Variants in STAP1 observed in about 807,000 individuals in gnomAD.
STAP1 encodes signal transducing adaptor family member 1, also known as signal-transducing adaptor protein 1.
STAP1 carries 30 observed loss-of-function variants against 37.8 expected under a neutral mutation model. The observed-to-expected ratio is 0.79, with a 90% CI of 0.59 to 1.08. The LOEUF (loss-of-function observed/expected upper bound fraction) is 1.08. Ranked by LOEUF, STAP1 falls within the 50% of genes least tolerant of loss-of-function variation. The pLI is 0.00. For missense variants in STAP1, 357 were observed against 349.4 expected, an observed-to-expected ratio of 1.02 and a Z score of -0.17; for synonymous variants, 130 against 116.0, an observed-to-expected ratio of 1.12 and a Z score of -0.78.
chr4:67,597,701 C>G (rs113552683), intron 8 of STAP1, among the ~76,000 whole-genome samples: 1 of 152,200 alleles, frequency 6.6e-6, no homozygotes, highest in Non-Finnish European at 1.5e-5. Context: ...TATTTTGGAG[C>G]TTTAAGATTT....
chr4:67,558,963 C>T (rs1303634177), intron 1 of STAP1, 34 bp downstream of exon 1: 4 of 1,525,442 alleles, frequency 2.6e-6, no homozygotes, highest in East Asian at 2.4e-5. Context: ...AAACCTAAGA[C>T]TTCTGTTTTA....
intron 8 of STAP1, among the ~76,000 whole-genome samples, chr4:67,598,140 T>C (rs1236771726): frequency 1.3e-5 from 2 of 152,160 alleles, no homozygotes; most frequent in Admixed American, 6.5e-5. Flanking sequence ...ATGCTGTTCT[T>C]ATGATAATGA....
At chr4:67,603,656 C>T (rs556887111) in intron 8 of STAP1, among the ~76,000 whole-genome samples, 11 of 152,244 alleles carry the variant, frequency 7.2e-5, no homozygotes, top group Non-Finnish European at 5.9e-5. Flanking sequence ...TGGCCCAGGG[C>T]GTGTCTAGAA....
At chr4:67,594,901 A>G (rs1728191586) in intron 8 of STAP1, among the ~76,000 whole-genome samples, 1 of 151,874 alleles carries the variant, frequency 6.6e-6, no homozygotes, top group Non-Finnish European at 1.5e-5. Context: ...TTTTTCTTTC[A>G]TGCTTGTTTT....
chr4:67,562,601 T>A (rs1254415803), intron 1 of STAP1, among the ~76,000 whole-genome samples: 12 of 117,252 alleles, frequency 1.0e-4, no homozygotes, highest in South Asian at 2.9e-4. Context: ...CTGTCTCTAC[T>A]AAAAAAAAAA....
At chr4:67,589,682 G>T (rs10050076) in intron 6 of STAP1, among the ~76,000 whole-genome samples, 44,411 of 152,016 alleles carry the variant, frequency 0.29, 6,955 homozygotes, top group South Asian at 0.43. Flanking sequence ...CATGCTTGCC[G>T]TACAAATCAA....
intron 8 of STAP1, among the ~76,000 whole-genome samples, chr4:67,593,598 T>C (rs1269929995): frequency 6.6e-6 from 1 of 152,244 alleles, no homozygotes; most frequent in Non-Finnish European, 1.5e-5. Context: ...GTAGTATTAC[T>C]ATTAACTTCA....
intron 2 of STAP1, 52 bp downstream of exon 2, chr4:67,571,207 C>A: frequency 8.1e-7 from 1 of 1,228,842 alleles, no homozygotes; most frequent in Non-Finnish European, 1.2e-6. Flanking sequence ...ACCCTTGTCA[C>A]ATAGCATATT....
At chr4:67,591,917 T>C (rs1728126329) in intron 7 of STAP1, among the ~76,000 whole-genome samples, 1 of 152,050 alleles carries the variant, frequency 6.6e-6, no homozygotes, top group Admixed American at 6.5e-5. Flanking sequence ...ACTAGATTGC[T>C]AAAGGATAAT....
At position 67,561,943 on chromosome 4, in the gene STAP1, G is replaced by T. The variant is rs183789729; in HGVS notation, c.120+3014G>T. Among the ~76,000 whole-genome samples, 317 of 151,814 alleles carry T rather than the reference G, an allele frequency of 2.1e-3. 1 individual carries two copies. The highest frequency in any genetic ancestry group is 2.8e-3 in the Non-Finnish European group (188 of 67,896). ...AAAAATTAGCAGGGCATGGTGGCAC[G>T]CACCTGTGGTCCCAGCTACTCGGGA... On this transcript the variant is annotated intron_variant, in intron 1 of 8. Transcript: ENST00000265404.
intron 3 of STAP1, 111 bp from the exon 4 acceptor site, chr4:67,577,092 C>A: frequency 1.0e-6 from 1 of 975,782 alleles, no homozygotes; most frequent in Non-Finnish European, 1.5e-6. Flanking sequence ...AGTTCTAAGC[C>A]AAAAAAAGAA....
intron 4 of STAP1, among the ~76,000 whole-genome samples, chr4:67,580,151 C>T (rs1727819222): frequency 6.6e-6 from 1 of 152,200 alleles, no homozygotes; most frequent in African/African-American, 2.4e-5. Context: ...AGCCACTGCG[C>T]CCTCCCGTAT....
At chr4:67,604,082 G>T (rs1728400604) in intron 8 of STAP1, among the ~76,000 whole-genome samples, 1 of 152,202 alleles carries the variant, frequency 6.6e-6, no homozygotes, top group African/African-American at 2.4e-5. Context: ...GGCAAGAGCT[G>T]GTCTAAATGC....
intron 4 of STAP1, 48 bp from the exon 5 acceptor site, chr4:67,581,255 TAA>T: frequency 6.4e-7 from 1 of 1,571,866 alleles, no homozygotes; most frequent in Non-Finnish European, 8.6e-7. Context: ...ACTAAAGTTA[TAA>T]GTTATTAAGC....
intron 6 of STAP1, among the ~76,000 whole-genome samples, chr4:67,585,413 C>T (rs774984249): frequency 2.0e-5 from 3 of 152,200 alleles, no homozygotes; most frequent in Non-Finnish European, 2.9e-5. Context: ...GTGTGTGCCA[C>T]AGCCCAATAA....
intron 6 of STAP1, among the ~76,000 whole-genome samples, chr4:67,589,667 C>A (rs1219670921): frequency 6.6e-6 from 1 of 152,172 alleles, no homozygotes. Context: ...AAGTTTTCAT[C>A]CTAACATGCT....
intron 5 of STAP1, 99 bp downstream of exon 5, chr4:67,581,570 A>T: frequency 7.5e-7 from 1 of 1,333,160 alleles, no homozygotes; most frequent in Non-Finnish European, 1.0e-6. Flanking sequence ...AGCCAGGGAC[A>T]ATAAGCAGTC....
At chr4:67,563,595 C>T (rs1283844777) in intron 1 of STAP1, among the ~76,000 whole-genome samples, 3 of 152,046 alleles carry the variant, frequency 2.0e-5, no homozygotes, top group African/African-American at 7.2e-5. Context: ...CTCAGGTACT[C>T]GGGAGGCTGA....
chr4:67,598,064 G>T (rs1345826039), intron 8 of STAP1, among the ~76,000 whole-genome samples: 1 of 152,166 alleles, frequency 6.6e-6, no homozygotes, highest in Non-Finnish European at 1.5e-5. Flanking sequence ...ATCTCAGATT[G>T]TAATTCCCAG....
Sources: allele counts gnomAD v4.1 joint callset (sites outside exome capture counted in the v4.1 genomes callset), GRCh38; gene constraint gnomAD v4.1.1; transcripts MANE v1.5; gene names NCBI Gene and HGNC (gene_info 2026-07-23, HGNC 2026-07-21).